The following TMEM87B variants were observed in gnomAD, a reference collection of about 807,000 sequenced individuals.
TMEM87B encodes the protein transmembrane protein 87B.
TMEM87B carries 83 observed loss-of-function variants against 80.3 expected under a neutral mutation model. The ratio of observed to expected loss-of-function variants is 1.03; its 90% CI spans 0.87 to 1.24. The LOEUF (loss-of-function observed/expected upper bound fraction) is 1.24. Among genes scored for constraint, TMEM87B ranks in the 50% most tolerant of loss-of-function variants. TMEM87B has a pLI of 0.00. For missense variants in TMEM87B, 625 were observed against 674.4 expected (o/e 0.93, Z 0.81); for synonymous variants, 219 against 230.5 (o/e 0.95, Z 0.45).
At chr2:112,106,101 A>C in intron 16 of TMEM87B, 26 bp downstream of exon 16, 1 of 1,449,510 alleles carries the variant, frequency 6.9e-7, no homozygotes, top group Non-Finnish European at 9.2e-7. Flanking sequence ...ATTTAGTACA[A>C]TCTTAGTCTT....
intron 6 of TMEM87B, among the ~76,000 whole-genome samples, chr2:112,078,614 A>G (rs1241554548): frequency 6.6e-6 from 1 of 152,204 alleles, no homozygotes; most frequent in Non-Finnish European, 1.5e-5. Context: ...TTCAGACCAT[A>G]GAACTAGGCT....
At chr2:112,077,064 A>C (rs1678846857) in intron 5 of TMEM87B, 128 bp from the exon 6 acceptor site, 1 of 496,660 alleles carries the variant, frequency 2.0e-6, no homozygotes, top group Non-Finnish European at 3.5e-6. Context: ...AAAGGAAAAA[A>C]TTAAAAAATA....
At chr2:112,087,960 C>T (rs1201132973) in intron 9 of TMEM87B, among the ~76,000 whole-genome samples, 2 of 152,204 alleles carry the variant, frequency 1.3e-5, no homozygotes, top group Non-Finnish European at 2.9e-5. Context: ...TCCATCCTCT[C>T]ACATCACTGG....
intron 15 of TMEM87B, among the ~76,000 whole-genome samples, chr2:112,105,465 GTTAATTGCCTTGC>G (rs1298203885): frequency 6.6e-6 from 1 of 152,224 alleles, no homozygotes; most frequent in Non-Finnish European, 1.5e-5. Context: ...GTCACAGGAA[GTTAATTGCCTTGC>G]CCAAGATTCC....
chr2:112,055,519 G>A lies in TMEM87B; in HGVS notation c.-73G>A. 2.2e-6 allele frequency: 3 copies of A among 1,394,442 alleles called. No individual in the cohort carries two copies. The highest frequency in any genetic ancestry group is 2.8e-6 in the Non-Finnish European group (3 of 1,075,800). The allele number at this position is 1,394,442 out of a possible 1,614,324, so 86.4% of individuals were successfully genotyped here. A position where few individuals can be genotyped will look rare whatever the true frequency, so the allele number is the denominator to read the frequency against. On this transcript the variant is annotated 5_prime_UTR_variant, in exon 1 of 19. Transcript: ENST00000283206. ...CCGCGTCCCGGATTCGGACCCGCCT[G>A]CCTGGGGCGGTGCTGCACCAGGTGC... is the stretch of plus-strand genomic sequence containing the variant.
In TMEM87B at chr2:112,119,029, T is replaced by C. The variant is rs1398775069; in HGVS notation, c.*2886T>C. On this transcript the variant is annotated 3_prime_UTR_variant, in exon 19 of 19. Coordinates refer to ENST00000283206, the MANE Select transcript of TMEM87B (RefSeq NM_032824.3). ...ATATACTGGTTAAACATATTGAATG[T>C]ATATAAGTGGCAAAACTAGATTTTT... The C allele has an allele frequency of 6.6e-6, 1 of 152,194 alleles. No individual in the cohort carries two copies. The highest frequency in any genetic ancestry group is 1.5e-5 in the Non-Finnish European group (1 of 68,024). The allele number at this position is 152,194 out of a possible 1,614,324, so 9.4% of individuals were successfully genotyped here.
chr2:112,062,024 A>G (rs67923925), intron 2 of TMEM87B, among the ~76,000 whole-genome samples: 34,144 of 152,186 alleles, frequency 0.22, 4,538 homozygotes, highest in East Asian at 0.7. Context: ...GAAGGGAAAG[A>G]GTTGATCATT....
intron 9 of TMEM87B, among the ~76,000 whole-genome samples, chr2:112,087,871 C>T (rs1679193585): frequency 6.6e-6 from 1 of 152,206 alleles, no homozygotes; most frequent in Non-Finnish European, 1.5e-5. Context: ...TATCACATGG[C>T]CCTGCTCAGC....
chr2:112,067,523 C>T (rs1429951043), intron 4 of TMEM87B, among the ~76,000 whole-genome samples: 1 of 152,160 alleles, frequency 6.6e-6, no homozygotes, highest in Admixed American at 6.5e-5. Context: ...TGCTTGAACT[C>T]GTGAGGCAGA....
chr2:112,061,373 TCA>T (rs1678253553), intron 2 of TMEM87B, among the ~76,000 whole-genome samples: 1 of 152,226 alleles, frequency 6.6e-6, no homozygotes, highest in African/African-American at 2.4e-5. Context: ...CTCTTTCCTT[TCA>T]CACAACAGAT....
intron 4 of TMEM87B, among the ~76,000 whole-genome samples, chr2:112,069,226 T>C (rs1678550453): frequency 6.8e-6 from 1 of 146,168 alleles, no homozygotes; most frequent in Non-Finnish European, 1.5e-5. Flanking sequence ...AAAAAACTCA[T>C]GTCACAGGAA....
chr2:112,070,522 C>G (rs1678591681), intron 4 of TMEM87B, among the ~76,000 whole-genome samples: 1 of 152,120 alleles, frequency 6.6e-6, no homozygotes, highest in African/African-American at 2.4e-5. Context: ...CTATTCTGTT[C>G]CACTGGTCTA....
In TMEM87B at chr2:112,116,853, C is replaced by CCCT. The variant is rs1204578808; in HGVS notation, c.*712_*714dup. On this transcript the variant is annotated 3_prime_UTR_variant, in exon 19 of 19. Coordinates refer to ENST00000283206, the MANE Select transcript of TMEM87B (RefSeq NM_032824.3). The stretch of plus-strand genomic sequence containing the variant: ...ACTACCAAAGAATTACCCTCATTGT[C>CCCT]CCTCACTCAGGCCATGTGTACATGC... The CCCT allele has an allele frequency of 6.6e-6, 1 of 152,562 alleles. No individual in the cohort carries two copies. The highest frequency in any genetic ancestry group is 1.5e-5 in the Non-Finnish European group (1 of 68,046). 9.5% of individuals were successfully genotyped at this position (152,562 alleles called of 1,614,324 possible).
rs1678011608 is a variant in TMEM87B, at chr2:112,055,457, C to G, written c.-135C>G. 1 of 1,083,516 alleles carries G rather than the reference C, an allele frequency of 9.2e-7. No homozygotes were observed. Among genetic ancestry groups the G allele is most frequent in the Admixed American group, 3.8e-5 (1 of 26,462 alleles). The allele number at this position is 1,083,516 out of a possible 1,614,324, so 67.1% of individuals were successfully genotyped here. On this transcript the variant is annotated 5_prime_UTR_variant, in exon 1 of 19. Transcript: ENST00000283206. ...TGCACGGCGCCTCTCCGCCCAGGCCCAAGCGCGAGCCCCTCCTCCACACCC... is the reference window on the plus strand; with the variant it reads ...TGCACGGCGCCTCTCCGCCCAGGCCGAAGCGCGAGCCCCTCCTCCACACCC...
chr2:112,068,638 A>G (rs1469352522), intron 4 of TMEM87B, among the ~76,000 whole-genome samples: 1 of 151,774 alleles, frequency 6.6e-6, no homozygotes, highest in Non-Finnish European at 1.5e-5. Context: ...CGGGAGGTGG[A>G]GCTTGCAGTG....
At position 112,055,756 on chromosome 2, in the gene TMEM87B, CG is replaced by C; in HGVS notation, c.165+1del. On this transcript the variant is annotated splice_donor_variant, in intron 1 of 18. Coordinates refer to ENST00000283206, the MANE Select transcript of TMEM87B (RefSeq NM_032824.3). LOFTEE classifies it high-confidence loss of function. ...GGCTCTGGTTAGAGACAGTCAACGA[CG>C]TAAGTGGAGTGTCGGGACCCAGGCG... The C allele has an allele frequency of 6.8e-7, 1 of 1,479,222 alleles. No homozygotes were observed. The highest frequency in any genetic ancestry group is 8.9e-7 in the Non-Finnish European group (1 of 1,118,010). 91.6% of individuals were successfully genotyped at this position (1,479,222 alleles called of 1,614,324 possible). A position where few individuals can be genotyped will look rare whatever the true frequency, so the allele number is the denominator to read the frequency against.
chr2:112,095,388 A>G lies in TMEM87B; in HGVS notation c.1105-1656A>G, dbSNP rs1469458914. 3.0e-6 allele frequency: 3 copies of G among 984,466 alleles called. No individual in the cohort carries two copies. In the East Asian group the frequency reaches 3.4e-4, roughly 112 times the overall value. The allele number at this position is 984,466 out of a possible 1,614,324, so 61.0% of individuals were successfully genotyped here. On this transcript the variant is annotated intron_variant, in intron 11 of 18. Coordinates refer to ENST00000283206, the MANE Select transcript of TMEM87B (RefSeq NM_032824.3). The stretch of plus-strand genomic sequence containing the variant: ...TGACTACTTTCCTTCCATGGCAGGA[A>G]TGATTTACACTTTACCTAAATTTAA...
At chr2:112,072,508 G>A (rs1398595625) in intron 4 of TMEM87B, among the ~76,000 whole-genome samples, 1 of 152,124 alleles carries the variant, frequency 6.6e-6, no homozygotes, top group Non-Finnish European at 1.5e-5. Flanking sequence ...GAGGGTGTAT[G>A]TGTCCAGTAA....
chr2:112,075,730 T>C (rs1678794020), intron 5 of TMEM87B, among the ~76,000 whole-genome samples: 1 of 152,204 alleles, frequency 6.6e-6, no homozygotes, highest in Admixed American at 6.5e-5. Flanking sequence ...GAGAGCTTAA[T>C]GTTTGCTTTT....
Sources: gnomAD v4.1 joint callset for allele counts (sites outside exome capture counted in the v4.1 genomes callset) on GRCh38, gnomAD v4.1.1 for gene constraint, MANE v1.5 for transcripts, NCBI Gene and HGNC (gene_info 2026-07-23, HGNC 2026-07-21) for gene names.